Variants in FKTN observed in about 807,000 individuals in gnomAD.
The protein encoded by FKTN is ribitol-5-phosphate transferase FKTN.
Under a neutral mutation model 58.6 loss-of-function variants are expected in FKTN, and 47 were observed. That is an observed-to-expected ratio of 0.80 (90% CI 0.63 to 1.02). The LOEUF is 1.02. FKTN is among the 50% of genes least tolerant of loss of function. The pLI is 0.00. For synonymous variants in FKTN, 178 were observed against 191.9 expected (o/e 0.93, Z 0.60); for missense variants, 516 against 537.3 (o/e 0.96, Z 0.39).
intron 10 of FKTN, among the ~76,000 whole-genome samples, chr9:105,624,868 T>G (rs1230376517): frequency 6.6e-6 from 1 of 152,186 alleles, no homozygotes; most frequent in African/African-American, 2.4e-5. Flanking sequence ...AGCCCAGGAA[T>G]TAGAAGACCT....
chr9:105,585,950 G>GA (rs1309637735), intron 3 of FKTN, among the ~76,000 whole-genome samples: 5 of 152,250 alleles, frequency 3.3e-5, no homozygotes, highest in Middle Eastern at 3.4e-3. Context: ...AGATAGGGAT[G>GA]AAAAATTGAT....
At chr9:105,579,765 G>A (rs1021949584) in intron 3 of FKTN, among the ~76,000 whole-genome samples, 1 of 145,624 alleles carries the variant, frequency 6.9e-6, no homozygotes, top group African/African-American at 2.5e-5. Context: ...TGACAGTGGG[G>A]TGTTAAAGTC....
At chr9:105,581,670 C>T (rs533748235) in intron 3 of FKTN, among the ~76,000 whole-genome samples, 7 of 152,344 alleles carry the variant, frequency 4.6e-5, no homozygotes, top group African/African-American at 1.7e-4. Flanking sequence ...GCAGGCAGGC[C>T]TCCTTGAACT....
rs987784513 is a variant in FKTN at position 105,607,880 on chromosome 9, C to T, written c.709C>T (p.His237Tyr). 1 of 1,610,764 alleles carries T rather than the reference C, an allele frequency of 6.2e-7. No homozygotes were observed. The highest frequency in any genetic ancestry group is 8.5e-7 in the Non-Finnish European group (1 of 1,177,180). Residue 237 changes from histidine (H) to tyrosine (Y), a missense_variant, in exon 7 of 11, where the codon CAC (histidine) becomes TAC (tyrosine). Transcript: ENST00000357998. ...LEVLIPKDPMHFVEEVPHSRF... is the reference protein window; with the variant it reads ...LEVLIPKDPMYFVEEVPHSRF... Reference sequence around the variant, plus strand: ...AGTTCTCATTCCAAAGGATCCAATGCACTTTGTAGAAGAAGTACCACACTC... The same window carrying T: ...AGTTCTCATTCCAAAGGATCCAATGTACTTTGTAGAAGAAGTACCACACTC...
chr9:105,640,142 C>T lies in FKTN; in HGVS notation c.*4878C>T. On this transcript the variant is annotated 3_prime_UTR_variant, in exon 11 of 11. Transcript: ENST00000357998. ...TGCATGATGCCATTTTAAGCTGCTT[C>T]ACATCAGACTGAAATCCTAATTACA... The T allele has an allele frequency of 1.3e-6, 2 of 1,535,418 alleles. No individual in the cohort carries two copies. The highest frequency in any genetic ancestry group is 1.7e-6 in the Non-Finnish European group (2 of 1,146,736).
rs1843683160 is a variant in FKTN at position 105,585,147 on chromosome 9, A to G, written c.105+10010A>G. ...AAAAATGCTTTATTTAAAAATAGTA[A>G]GGAGACCAGGTGCCTGCCTGTAATC... On this transcript the variant is annotated intron_variant, in intron 3 of 10. Coordinates refer to ENST00000357998, the MANE Select transcript of FKTN (RefSeq NM_001079802.2). 2.0e-5 allele frequency among the ~76,000 whole-genome samples: 3 copies of G among 152,172 alleles called. No individual in the cohort carries two copies. The South Asian group carries it at 6.2e-4, about 32-fold the overall frequency.
chr9:105,603,135 C>A (rs1828197092), intron 5 of FKTN, among the ~76,000 whole-genome samples: 1 of 152,170 alleles, frequency 6.6e-6, no homozygotes, highest in Non-Finnish European at 1.5e-5. Context: ...TATCATAATT[C>A]TGCCTATTTT....
At chr9:105,625,836 TA>T (rs756541244) in intron 10 of FKTN, among the ~76,000 whole-genome samples, 4,489 of 144,006 alleles carry the variant, frequency 0.031, 113 homozygotes, top group African/African-American at 0.079. Flanking sequence ...AGCACCCCAG[TA>T]AAAAAAAAAA....
At chr9:105,596,994 A>T (rs567241141) in intron 4 of FKTN, among the ~76,000 whole-genome samples, 5 of 152,324 alleles carry the variant, frequency 3.3e-5, no homozygotes, top group African/African-American at 4.8e-5. Flanking sequence ...ATGAATGAAT[A>T]TATGAATCAG....
intron 7 of FKTN, among the ~76,000 whole-genome samples, chr9:105,611,488 C>A (rs1829898766): frequency 6.6e-6 from 1 of 152,036 alleles, no homozygotes; most frequent in African/African-American, 2.4e-5. Flanking sequence ...GTTATTTTTC[C>A]TGGTCCTCTT....
chr9:105,619,836 C>G, intron 9 of FKTN, 98 bp from the exon 10 acceptor site: 2 of 1,156,426 alleles, frequency 1.7e-6, no homozygotes, highest in Non-Finnish European at 2.4e-6. Context: ...GTATGTAAAA[C>G]TTAAGAATCT....
intron 3 of FKTN, among the ~76,000 whole-genome samples, chr9:105,582,189 A>C (rs1318341163): frequency 6.6e-6 from 1 of 151,756 alleles, no homozygotes; most frequent in Non-Finnish European, 1.5e-5. Context: ...CTTGGCTCCT[A>C]CCCGAAACTT....
rs983944100 is a variant in FKTN at position 105,635,103 on chromosome 9, G to T, written c.1225G>T (p.Val409Phe). ...LCWTEFVDMK[V>F]HVPCETLEYI... is the part of the protein sequence containing the mutation. ...CTGGACTGAGTTTGTAGACATGAAGGTCCATGTACCCTGTGAAACCCTCGA... is the reference window on the plus strand; with the variant it reads ...CTGGACTGAGTTTGTAGACATGAAGTTCCATGTACCCTGTGAAACCCTCGA... The change falls in exon 11 of 11, where the codon GTC (valine) becomes TTC (phenylalanine). Residue 409 changes from valine to phenylalanine, a missense_variant. Coordinates refer to ENST00000357998, the MANE Select transcript of FKTN (RefSeq NM_001079802.2). The T allele has an allele frequency of 1.9e-6, 3 of 1,614,030 alleles. No individual in the cohort carries two copies. The highest frequency in any genetic ancestry group is 2.5e-6 in the Non-Finnish European group (3 of 1,179,928).
At chr9:105,617,567 T>G (rs1235132667) in intron 8 of FKTN, among the ~76,000 whole-genome samples, 1 of 152,220 alleles carries the variant, frequency 6.6e-6, no homozygotes, top group Non-Finnish European at 1.5e-5. Flanking sequence ...TTAAAGCTAA[T>G]GGTTTATTCA....
intron 10 of FKTN, among the ~76,000 whole-genome samples, chr9:105,624,828 G>C (rs1342660107): frequency 2.6e-5 from 4 of 151,994 alleles, no homozygotes; most frequent in Non-Finnish European, 5.9e-5. Flanking sequence ...TTATATTTAA[G>C]CTTTATACAA....
chr9:105,598,147 C>G (rs536058672), intron 4 of FKTN: 8 of 467,416 alleles, frequency 1.7e-5, no homozygotes, highest in Admixed American at 1.7e-4. Flanking sequence ...TTCCACGGTA[C>G]GCAAGCAAAA....
At position 105,639,244 on chromosome 9, in the gene FKTN, C is replaced by T; in HGVS notation, c.*3980C>T. 1 of 985,406 alleles carries T rather than the reference C, an allele frequency of 1.0e-6. No individual in the cohort carries two copies. The highest frequency in any genetic ancestry group is 1.2e-6 in the Non-Finnish European group (1 of 829,922). The allele number at this position is 985,406 out of a possible 1,614,324, so 61.0% of individuals were successfully genotyped here. On this transcript the variant is annotated 3_prime_UTR_variant, in exon 11 of 11. Coordinates refer to ENST00000357998, the MANE Select transcript of FKTN (RefSeq NM_001079802.2). ...AAGAAAAATCCCAGCAACGTTCCCTCTTTCCTCCTTGTCTTCCACTATCAT... is the reference window on the plus strand; with the variant it reads ...AAGAAAAATCCCAGCAACGTTCCCTTTTTCCTCCTTGTCTTCCACTATCAT...
At position 105,639,320 on chromosome 9, in the gene FKTN, G is replaced by A; in HGVS notation, c.*4056G>A. 1 of 978,892 alleles carries A rather than the reference G, an allele frequency of 1.0e-6. No homozygotes were observed. The highest frequency in any genetic ancestry group is 1.2e-6 in the Non-Finnish European group (1 of 823,934). The allele number at this position is 978,892 out of a possible 1,614,324, so 60.6% of individuals were successfully genotyped here. On this transcript the variant is annotated 3_prime_UTR_variant, in exon 11 of 11. Transcript: ENST00000357998. ...ACATCTCACTCAGGGAAGGCAATGT[G>A]TTGCCATAAAAAGACCACAAGCTTT...
At chr9:105,581,426 T>A (rs377746070) in intron 3 of FKTN, among the ~76,000 whole-genome samples, 3 of 149,110 alleles carry the variant, frequency 2.0e-5, no homozygotes, top group East Asian at 1.9e-4. Flanking sequence ...GTACCCTGCC[T>A]TGTGAGGTGT....
Sources: allele counts gnomAD v4.1 joint callset (sites outside exome capture counted in the v4.1 genomes callset), GRCh38; gene constraint gnomAD v4.1.1; transcripts MANE v1.5; gene names NCBI Gene and HGNC (gene_info 2026-07-23, HGNC 2026-07-21).